Variants in RANBP2 observed in about 807,000 individuals in gnomAD.
The protein encoded by RANBP2 is RAN binding protein 2, also known as E3 SUMO-protein ligase RanBP2.
In RANBP2, 57 loss-of-function variants were observed where a neutral mutation model predicts 303.6. That is an observed-to-expected ratio of 0.19 (90% confidence interval 0.15 to 0.23). The LOEUF is 0.23. RANBP2 is among the 10% of genes least tolerant of loss of function. The pLI is 1.00. For missense variants in RANBP2, 3,138 were observed against 3,780.8 expected, an observed-to-expected ratio of 0.83 and a Z score of 4.46; for synonymous variants, 1,167 against 1,301.5, an observed-to-expected ratio of 0.90 and a Z score of 2.23.
the RANBP2 span, among the ~76,000 whole-genome samples, chr2:108,885,732 C>T: frequency 6.6e-6 from 1 of 152,196 alleles, no homozygotes; most frequent in Non-Finnish European, 1.5e-5. Context: ...TGTTTGTACA[C>T]TTTAACCCAG....
chr2:109,150,972 G>A, the RANBP2 span, among the ~76,000 whole-genome samples: 2 of 152,152 alleles, frequency 1.3e-5, no homozygotes, highest in Admixed American at 6.5e-5. Flanking sequence ...GAAGTCAGGT[G>A]GTACCTTTTC....
the RANBP2 span, among the ~76,000 whole-genome samples, chr2:109,277,492 C>G: frequency 1.3e-5 from 2 of 152,232 alleles, no homozygotes; most frequent in Non-Finnish European, 2.9e-5. Flanking sequence ...CATTGGGCAG[C>G]TGCTGCATCT....
chr2:109,337,853 G>T, the RANBP2 span, among the ~76,000 whole-genome samples: 1 of 151,734 alleles, frequency 6.6e-6, no homozygotes, highest in African/African-American at 2.4e-5. Context: ...TCAGCCTCCC[G>T]AGTAGCTGGG....
chr2:109,201,549 A>G, the RANBP2 span, among the ~76,000 whole-genome samples: 2 of 152,022 alleles, frequency 1.3e-5, no homozygotes, highest in Non-Finnish European at 2.9e-5. Flanking sequence ...CCTGGTTTGG[A>G]AGTTGCTCTC....
At chr2:109,331,588 G>A in the RANBP2 span, among the ~76,000 whole-genome samples, 1 of 152,062 alleles carries the variant, frequency 6.6e-6, no homozygotes, top group Admixed American at 6.5e-5. Flanking sequence ...GAGTACTTAC[G>A]GTCTTCACTA....
At chr2:109,006,110 C>T in the RANBP2 span, among the ~76,000 whole-genome samples, 11 of 152,214 alleles carry the variant, frequency 7.2e-5, no homozygotes, top group African/African-American at 1.9e-4. Flanking sequence ...TGTGGGGTTG[C>T]GGGGGAACAA....
At chr2:109,428,679 C>T in the RANBP2 span, among the ~76,000 whole-genome samples, 1 of 152,226 alleles carries the variant, frequency 6.6e-6, no homozygotes, top group African/African-American at 2.4e-5. Flanking sequence ...CCTAAAATCC[C>T]ATGATTGCCT....
At chr2:109,395,843 T>A in the RANBP2 span, among the ~76,000 whole-genome samples, 1 of 152,206 alleles carries the variant, frequency 6.6e-6, no homozygotes, top group Non-Finnish European at 1.5e-5. Flanking sequence ...CTTCTGGACT[T>A]GCATACAACA....
chr2:109,546,309 A>G, the RANBP2 span: 1 of 963,356 alleles, frequency 1.0e-6, no homozygotes, highest in South Asian at 2.0e-5. Context: ...GCTCAGCAAC[A>G]CAAAGGCGGA....
At chr2:109,530,695 A>T in the RANBP2 span, among the ~76,000 whole-genome samples, 8 of 152,206 alleles carry the variant, frequency 5.3e-5, no homozygotes, top group Non-Finnish European at 1.2e-4. Flanking sequence ...CTAACCATCT[A>T]ATATCTTACA....
At chr2:109,053,901 C>T in the RANBP2 span, among the ~76,000 whole-genome samples, 97 of 152,280 alleles carry the variant, frequency 6.4e-4, no homozygotes, top group African/African-American at 2.2e-3. Flanking sequence ...GGCCCCACCA[C>T]CCCACTGCCA....
chr2:109,708,387 G>C, the RANBP2 span, among the ~76,000 whole-genome samples: 1 of 151,864 alleles, frequency 6.6e-6, no homozygotes, highest in Non-Finnish European at 1.5e-5. Flanking sequence ...GCCGAGTGTG[G>C]TGGCTCACAC....
At chr2:109,279,675 C>T in the RANBP2 span, among the ~76,000 whole-genome samples, 5 of 152,330 alleles carry the variant, frequency 3.3e-5, no homozygotes, top group Non-Finnish European at 5.9e-5. Context: ...GGAATTCTGT[C>T]ATTGGAATTT....
the RANBP2 span, among the ~76,000 whole-genome samples, chr2:108,908,528 G>C: frequency 2.0e-5 from 3 of 151,606 alleles, no homozygotes; most frequent in Non-Finnish European, 4.4e-5. Flanking sequence ...TCTTGACTAG[G>C]GGGGTGACCT....
At chr2:109,181,637 T>A in the RANBP2 span, among the ~76,000 whole-genome samples, 2 of 152,226 alleles carry the variant, frequency 1.3e-5, no homozygotes, top group South Asian at 4.1e-4. Flanking sequence ...CTGCAGTAGA[T>A]GCCTGTTGCC....
the RANBP2 span, among the ~76,000 whole-genome samples, chr2:109,117,694 G>A: frequency 6.6e-6 from 1 of 152,198 alleles, no homozygotes; most frequent in Non-Finnish European, 1.5e-5. Context: ...CGGTACCTCA[G>A]ATGGAAATGC....
At chr2:108,773,414 A>G (rs953369209) in intron 23 of RANBP2, among the ~76,000 whole-genome samples, 1 of 152,130 alleles carries the variant, frequency 6.6e-6, no homozygotes, top group Non-Finnish European at 1.5e-5. Context: ...TGGCTACTAA[A>G]TGGGTTTAAG....
the RANBP2 span, among the ~76,000 whole-genome samples, chr2:109,537,732 A>G: frequency 1.3e-5 from 2 of 151,758 alleles, no homozygotes; most frequent in Non-Finnish European, 2.9e-5. Flanking sequence ...GACTGCTTGA[A>G]CTCAGGAGTT....
At chr2:109,228,284 T>A in the RANBP2 span, among the ~76,000 whole-genome samples, 2 of 152,224 alleles carry the variant, frequency 1.3e-5, no homozygotes, top group Admixed American at 1.3e-4. Context: ...AGGCTTTTAT[T>A]GTCTCATTAA....
Sources: gnomAD v4.1 joint callset for allele counts (sites outside exome capture counted in the v4.1 genomes callset) on GRCh38, gnomAD v4.1.1 for gene constraint, MANE v1.5 for transcripts, NCBI Gene and HGNC (gene_info 2026-07-23, HGNC 2026-07-21) for gene names.